The following EYA1 variants were observed in gnomAD, a reference collection of about 807,000 sequenced individuals.
EYA1 encodes EYA transcriptional coactivator and phosphatase 1.
EYA1 carries 16 observed loss-of-function variants against 82.0 expected under a neutral mutation model. That is an observed-to-expected ratio of 0.20 (90% CI 0.13 to 0.30). The LOEUF is 0.30. Ranked by LOEUF, EYA1 falls within the 10% of genes least tolerant of loss-of-function variation. The probability of loss-of-function intolerance (pLI) is 1.00; values close to 1 mark genes in which losing one functional copy is unlikely to be tolerated. For missense variants in EYA1, 633 were observed against 730.7 expected, an observed-to-expected ratio of 0.87 and a Z score of 1.54; for synonymous variants, 261 against 264.4, an observed-to-expected ratio of 0.99 and a Z score of 0.12.
intron 2 of EYA1, among the ~76,000 whole-genome samples, chr8:71,452,135 C>T (rs910798902): frequency 6.6e-6 from 1 of 152,220 alleles, no homozygotes; most frequent in Non-Finnish European, 1.5e-5. Flanking sequence ...CCACGCATGG[C>T]TTGGAGGGTC....
At chr8:71,291,983 T>C (rs576212198) in intron 9 of EYA1, among the ~76,000 whole-genome samples, 1 of 152,228 alleles carries the variant, frequency 6.6e-6, no homozygotes, top group Admixed American at 6.5e-5. Flanking sequence ...GCCAAATTAT[T>C]TAAATACAGC....
intron 11 of EYA1, among the ~76,000 whole-genome samples, chr8:71,248,148 T>C (rs758231684): frequency 3.9e-5 from 6 of 152,200 alleles, no homozygotes; most frequent in Non-Finnish European, 8.8e-5. Context: ...AACACAGATG[T>C]TGGTCTTATT....
chr8:71,398,515 G>T (rs1419206985), intron 2 of EYA1, among the ~76,000 whole-genome samples: 1 of 152,196 alleles, frequency 6.6e-6, no homozygotes. Flanking sequence ...CCTTCTAACA[G>T]TCAGGACCCT....
chr8:71,533,486 T>A (rs898692177), intron 2 of EYA1, among the ~76,000 whole-genome samples: 1 of 152,206 alleles, frequency 6.6e-6, no homozygotes, highest in African/African-American at 2.4e-5. Context: ...TTTGGAAGTG[T>A]GAGCACTTGG....
chr8:71,244,463 C>A, intron 12 of EYA1, 140 bp downstream of exon 12: 2 of 586,116 alleles, frequency 3.4e-6, no homozygotes, highest in Non-Finnish European at 3.1e-6. Flanking sequence ...CCCATAAAGG[C>A]AAAACACATT....
At chr8:71,307,306 G>T (rs1245857682) in intron 7 of EYA1, among the ~76,000 whole-genome samples, 7 of 151,896 alleles carry the variant, frequency 4.6e-5, no homozygotes, top group South Asian at 2.1e-4. Flanking sequence ...ACTTTGCTGG[G>T]ATTTTTTTAT....
intron 2 of EYA1, among the ~76,000 whole-genome samples, chr8:71,511,233 C>G (rs2129252324): frequency 6.6e-6 from 1 of 152,288 alleles, no homozygotes; most frequent in East Asian, 1.9e-4. Context: ...TCAATCTATT[C>G]CTTCATTTTG....
intron 1 of EYA1, among the ~76,000 whole-genome samples, chr8:71,538,507 C>T (rs1814892679): frequency 6.6e-6 from 1 of 152,154 alleles, no homozygotes; most frequent in African/African-American, 2.4e-5. Context: ...AATTTCTGGT[C>T]CTGAGCTTTA....
chr8:71,256,514 A>C (rs1233823550), intron 11 of EYA1, among the ~76,000 whole-genome samples: 1 of 152,142 alleles, frequency 6.6e-6, no homozygotes, highest in Non-Finnish European at 1.5e-5. Flanking sequence ...CAGAGACAGA[A>C]AGAATAGATG....
intron 2 of EYA1, among the ~76,000 whole-genome samples, chr8:71,450,199 G>A (rs996918997): frequency 1.8e-4 from 28 of 152,122 alleles, no homozygotes; most frequent in African/African-American, 6.5e-4. Flanking sequence ...TTAACAACTT[G>A]GCTAACCATT....
intron 2 of EYA1, among the ~76,000 whole-genome samples, chr8:71,382,694 T>C (rs1272016820): frequency 2.0e-5 from 3 of 152,124 alleles, no homozygotes; most frequent in Non-Finnish European, 4.4e-5. Context: ...AACAAAATTA[T>C]ATTATGTATC....
intron 17 of EYA1, among the ~76,000 whole-genome samples, chr8:71,207,601 A>C (rs1263182412): frequency 6.6e-6 from 1 of 152,214 alleles, no homozygotes; most frequent in Non-Finnish European, 1.5e-5. Context: ...CAAAAAATTC[A>C]GTATGTTTTC....
chr8:71,214,427 T>C (rs183010936), intron 16 of EYA1, among the ~76,000 whole-genome samples: 3 of 152,196 alleles, frequency 2.0e-5, no homozygotes, highest in Non-Finnish European at 2.9e-5. Context: ...TATACCCAGA[T>C]CAAATGTCAT....
intron 12 of EYA1, among the ~76,000 whole-genome samples, chr8:71,234,573 T>TC (rs1162109664): frequency 7.9e-5 from 12 of 152,142 alleles, no homozygotes; most frequent in Non-Finnish European, 7.4e-5. Flanking sequence ...AACACTATTC[T>TC]CCAGGTTTCT....
chr8:71,330,768 A>G (rs1563479255), intron 4 of EYA1, among the ~76,000 whole-genome samples: 1 of 152,180 alleles, frequency 6.6e-6, no homozygotes, highest in African/African-American at 2.4e-5. Flanking sequence ...AACTTGCAGA[A>G]AAGTTGCAAG....
Position 71,547,469 on chromosome 8 carries a change from C to A in EYA1, c.-73+395G>T, listed in dbSNP as rs556003826. 543 of 152,394 alleles carry A rather than the reference C, an allele frequency of 3.6e-3. 1 individual carries two copies. Among genetic ancestry groups the A allele is most frequent in the Non-Finnish European group, 6.8e-3 (466 of 68,096 alleles). 9.4% of individuals were successfully genotyped at this position (152,394 alleles called of 1,614,324 possible). ...CCCCTGCCGGCCACGGCTCAAGGCC[C>A]CATTATTGCGCGCACCCAGCTCCCT... On this transcript the variant is annotated intron_variant, in intron 1 of 18. Coordinates refer to the EYA1 transcript ENST00000643681.
chr8:71,423,058 GT>G (rs200977998), intron 2 of EYA1, among the ~76,000 whole-genome samples: 4 of 150,586 alleles, frequency 2.7e-5, no homozygotes, highest in South Asian at 4.2e-4. Flanking sequence ...CCTAAATCCT[GT>G]TTTTTTTTCC....
intron 2 of EYA1, among the ~76,000 whole-genome samples, chr8:71,428,632 A>G (rs1198992698): frequency 6.6e-6 from 1 of 152,192 alleles, no homozygotes; most frequent in Non-Finnish European, 1.5e-5. Flanking sequence ...AGTTACCTCA[A>G]TCTGAATAAG....
intron 1 of EYA1, among the ~76,000 whole-genome samples, chr8:71,359,718 A>C (rs1827204808): frequency 6.6e-6 from 1 of 152,188 alleles, no homozygotes; most frequent in Non-Finnish European, 1.5e-5. Flanking sequence ...ATTTTTATAA[A>C]ATGACTATAA....
Sources: allele counts gnomAD v4.1 joint callset (sites outside exome capture counted in the v4.1 genomes callset), GRCh38; gene constraint gnomAD v4.1.1; transcripts MANE v1.5; gene names NCBI Gene and HGNC (gene_info 2026-07-23, HGNC 2026-07-21).